EXOC6B: variants seen among roughly 807,000 people sequenced by gnomAD.
EXOC6B encodes the protein exocyst complex component 6B.
A neutral mutation model predicts 113.5 loss-of-function variants in EXOC6B; 54 were observed. The observed-to-expected ratio is 0.48, with a 90% CI of 0.38 to 0.60. EXOC6B has a LOEUF of 0.60. EXOC6B is among the 20% of genes least tolerant of loss of function. The pLI is 0.00. For missense variants in EXOC6B, 797 were observed against 977.5 expected (o/e 0.82, Z 2.46); for synonymous variants, 357 against 339.0 (o/e 1.05, Z -0.58).
chr2:72,802,884 A>G (rs549646601), intron 1 of EXOC6B, among the ~76,000 whole-genome samples: 25 of 152,338 alleles, frequency 1.6e-4, no homozygotes, highest in Admixed American at 8.5e-4. Context: ...CCCCAGACCT[A>G]TTGAATTAGA....
intron 1 of EXOC6B, among the ~76,000 whole-genome samples, chr2:72,758,166 C>T (rs1480850605): frequency 1.1e-5 from 1 of 93,822 alleles, no homozygotes. Flanking sequence ...GACTCTGTCT[C>T]AAAAAAAAAA....
At chr2:72,267,252 T>C (rs934097597) in intron 20 of EXOC6B, among the ~76,000 whole-genome samples, 2 of 152,196 alleles carry the variant, frequency 1.3e-5, no homozygotes, top group Non-Finnish European at 2.9e-5. Context: ...CTTTATTTCC[T>C]TCTCCTGCCT....
intron 20 of EXOC6B, among the ~76,000 whole-genome samples, chr2:72,222,537 C>A (rs1165395022): frequency 6.6e-6 from 1 of 152,006 alleles, no homozygotes; most frequent in African/African-American, 2.4e-5. Flanking sequence ...AAATAAAATG[C>A]CCTGGACTAG....
intron 7 of EXOC6B, among the ~76,000 whole-genome samples, chr2:72,567,098 T>C (rs768325955): frequency 6.6e-6 from 1 of 152,002 alleles, no homozygotes; most frequent in Non-Finnish European, 1.5e-5. Context: ...CTTTGAATCA[T>C]GTTCATATTT....
chr2:72,440,000 T>A (rs1696104727), intron 18 of EXOC6B, among the ~76,000 whole-genome samples: 1 of 152,004 alleles, frequency 6.6e-6, no homozygotes, highest in African/African-American at 2.4e-5. Flanking sequence ...TACCTGGAGG[T>A]ATCAGCAGTG....
At chr2:72,475,392 C>T (rs973319180) in intron 17 of EXOC6B, among the ~76,000 whole-genome samples, 4 of 152,110 alleles carry the variant, frequency 2.6e-5, no homozygotes. Flanking sequence ...TGCATTCAGC[C>T]GAGTGGGCTG....
chr2:72,209,268 G>GA (rs1680037765), intron 20 of EXOC6B, among the ~76,000 whole-genome samples: 1 of 120,010 alleles, frequency 8.3e-6, no homozygotes, highest in East Asian at 2.4e-4. Context: ...GAAAAGAAAA[G>GA]AAAAAAGAAA....
At chr2:72,777,056 C>T (rs1198042464) in intron 1 of EXOC6B, among the ~76,000 whole-genome samples, 1 of 152,130 alleles carries the variant, frequency 6.6e-6, no homozygotes, top group Non-Finnish European at 1.5e-5. Flanking sequence ...GCCTGGGCAA[C>T]ATGTTGAAAC....
intron 6 of EXOC6B, among the ~76,000 whole-genome samples, chr2:72,690,359 T>C (rs1325851308): frequency 6.6e-6 from 1 of 152,234 alleles, no homozygotes; most frequent in Non-Finnish European, 1.5e-5. Context: ...AAGCAGAATA[T>C]CTTACTTTCT....
chr2:72,385,043 A>G (rs1300843503), intron 18 of EXOC6B, among the ~76,000 whole-genome samples: 1 of 152,122 alleles, frequency 6.6e-6, no homozygotes, highest in Non-Finnish European at 1.5e-5. Context: ...AAAAGACCCC[A>G]AATAGCCAAA....
intron 8 of EXOC6B, among the ~76,000 whole-genome samples, chr2:72,525,577 T>C (rs1371421125): frequency 6.6e-6 from 1 of 152,186 alleles, no homozygotes; most frequent in Non-Finnish European, 1.5e-5. Context: ...TTAAGATAAG[T>C]ATCCCTTTTG....
intron 8 of EXOC6B, among the ~76,000 whole-genome samples, chr2:72,522,871 C>T (rs927267625): frequency 2.6e-5 from 4 of 152,152 alleles, no homozygotes. Context: ...AATCTGTTCT[C>T]CAGCATCATA....
At chr2:72,458,087 G>A (rs1376959508) in intron 18 of EXOC6B, among the ~76,000 whole-genome samples, 4 of 152,068 alleles carry the variant, frequency 2.6e-5, no homozygotes, top group African/African-American at 9.7e-5. Flanking sequence ...GAACAAGACA[G>A]AATTTGCCTT....
chr2:72,715,194 T>A (rs1270391728), intron 6 of EXOC6B, among the ~76,000 whole-genome samples: 2 of 152,004 alleles, frequency 1.3e-5, no homozygotes, highest in Non-Finnish European at 2.9e-5. Context: ...ACCAATGCAC[T>A]CCAGCCTAGT....
chr2:72,356,975 T>A (rs570318300), intron 19 of EXOC6B, among the ~76,000 whole-genome samples: 1 of 152,152 alleles, frequency 6.6e-6, no homozygotes, highest in Admixed American at 6.5e-5. Flanking sequence ...ATATAGACCA[T>A]GAATACACTG....
chr2:72,414,984 G>A (rs1694431924), intron 18 of EXOC6B, among the ~76,000 whole-genome samples: 2 of 152,102 alleles, frequency 1.3e-5, no homozygotes, highest in South Asian at 2.1e-4. Flanking sequence ...TTAAGACTGT[G>A]CCCACTGAGT....
chr2:72,710,893 C>G (rs926260161), intron 6 of EXOC6B, among the ~76,000 whole-genome samples: 10 of 152,132 alleles, frequency 6.6e-5, no homozygotes, highest in African/African-American at 2.4e-4. Context: ...GCAATTAGTT[C>G]ATTTCCTTAA....
chr2:72,233,043 G>C (rs887686218), intron 20 of EXOC6B, among the ~76,000 whole-genome samples: 2 of 151,414 alleles, frequency 1.3e-5, no homozygotes, highest in African/African-American at 4.9e-5. Context: ...CTGCACCCCA[G>C]CCTGGGTGAC....
At chr2:72,294,163 A>G (rs1685980139) in intron 20 of EXOC6B, among the ~76,000 whole-genome samples, 1 of 152,154 alleles carries the variant, frequency 6.6e-6, no homozygotes, top group South Asian at 2.1e-4. Context: ...ACAGATATAA[A>G]GTACAAGTCT....
Sources: gnomAD v4.1 joint callset for allele counts (sites outside exome capture counted in the v4.1 genomes callset) on GRCh38, gnomAD v4.1.1 for gene constraint, MANE v1.5 for transcripts, NCBI Gene and HGNC (gene_info 2026-07-23, HGNC 2026-07-21) for gene names.